VCAN: variants seen among roughly 807,000 people sequenced by gnomAD.
VCAN encodes versican core protein.
VCAN carries 44 observed loss-of-function variants against 245.5 expected under a neutral mutation model. The observed-to-expected ratio is 0.18, with a 90% CI of 0.14 to 0.23. The LOEUF is 0.23. VCAN is among the 10% of genes least tolerant of loss of function. VCAN has a pLI of 1.00. For synonymous variants in VCAN, 1,413 were observed against 1,437.0 expected (o/e 0.98, Z 0.38); for missense variants, 3,793 against 4,057.9 (o/e 0.93, Z 1.77).
At chr5:83,500,149 C>T (rs573196383) in intron 5 of VCAN, among the ~76,000 whole-genome samples, 20 of 152,190 alleles carry the variant, frequency 1.3e-4, no homozygotes, top group African/African-American at 4.3e-4. Flanking sequence ...TGCGTCCTTA[C>T]TGGGCTTATT....
At chr5:83,569,452 T>A (rs1480149251) in intron 12 of VCAN, among the ~76,000 whole-genome samples, 1 of 152,196 alleles carries the variant, frequency 6.6e-6, no homozygotes, top group Non-Finnish European at 1.5e-5. Flanking sequence ...CAAACATAGT[T>A]TCTGGCACTG....
At chr5:83,561,577 A>G (rs981553105) in intron 12 of VCAN, among the ~76,000 whole-genome samples, 17 of 152,254 alleles carry the variant, frequency 1.1e-4, no homozygotes, top group African/African-American at 3.8e-4. Context: ...ATTCGAGTTG[A>G]TGCACAAGAA....
chr5:83,529,997 G>GTACTTTAGTGTCTGCT (rs1260202142), intron 7 of VCAN, among the ~76,000 whole-genome samples: 5 of 152,060 alleles, frequency 3.3e-5, no homozygotes, highest in Non-Finnish European at 5.9e-5. Context: ...AAGTATAATT[G>GTACTTTAGTGTCTGCT]TACTTTAGTG....
At chr5:83,579,237 G>T (rs938280953) in intron 13 of VCAN, among the ~76,000 whole-genome samples, 2 of 117,496 alleles carry the variant, frequency 1.7e-5, no homozygotes, top group Non-Finnish European at 3.6e-5. Flanking sequence ...AAGGTTTTTT[G>T]TTTGTTTGTT....
intron 10 of VCAN, among the ~76,000 whole-genome samples, chr5:83,551,210 T>C (rs1747453203): frequency 6.6e-6 from 1 of 152,010 alleles, no homozygotes; most frequent in Admixed American, 6.6e-5. Context: ...AATGATAAAC[T>C]ATTTAGAAGA....
chr5:83,484,355 A>G (rs1270152160), intron 2 of VCAN, among the ~76,000 whole-genome samples: 2 of 151,884 alleles, frequency 1.3e-5, no homozygotes, highest in African/African-American at 4.8e-5. Flanking sequence ...CCATACCTCC[A>G]GCCATCCATT....
rs373069395 is a variant in VCAN at position 83,580,412 on chromosome 5, G to A, written c.10169G>A (p.Arg3390Lys). 2 of 1,613,872 alleles carry A rather than the reference G, an allele frequency of 1.2e-6. No individual in the cohort carries two copies. The highest frequency in any genetic ancestry group is 1.7e-6 in the Non-Finnish European group (2 of 1,179,918). Residue 3390 changes from arginine (R) to lysine (K), a missense_variant, in exon 15 of 15, where the codon AGG (arginine) becomes AAG (lysine). By Grantham distance (26) the Arg-to-Lys change is conservative. Coordinates refer to ENST00000265077, the MANE Select transcript of VCAN (RefSeq NM_004385.5). ...AAACATGATCATCGTTGGAGCCGGA[G>A]GTGGCAGGAGTCGAGGCGCTGATCC... ...TSKHDHRWSR[R>K]WQESRR
rs568897801 is a variant in VCAN at position 83,523,138 on chromosome 5, A to G, written c.4003+829A>G. On this transcript the variant is annotated intron_variant, in intron 7 of 14. Coordinates refer to ENST00000265077, the MANE Select transcript of VCAN (RefSeq NM_004385.5). ...CAGAACTCTTAAAAGCTGTTTGTTT[A>G]CATTGATTAATACTTGGAGTTGTCA... is the stretch of plus-strand genomic sequence containing the variant. 3.9e-5 allele frequency among the ~76,000 whole-genome samples: 6 copies of G among 152,316 alleles called. No individual in the cohort carries two copies. The East Asian group carries it at 1.2e-3, about 29-fold the overall frequency.
chr5:83,500,703 G>A (rs912196269), intron 5 of VCAN, among the ~76,000 whole-genome samples: 1 of 152,174 alleles, frequency 6.6e-6, no homozygotes, highest in Non-Finnish European at 1.5e-5. Context: ...CCCCAGTAGA[G>A]CAGCAGGCAG....
intron 7 of VCAN, chr5:83,535,653 C>A (rs1746677348): frequency 6.6e-6 from 1 of 152,038 alleles, no homozygotes; most frequent in African/African-American, 2.4e-5. Flanking sequence ...TTCTTCTATA[C>A]ATAGAAGGAA....
chr5:83,556,984 G>A (rs994900106), intron 12 of VCAN, among the ~76,000 whole-genome samples: 4 of 152,054 alleles, frequency 2.6e-5, no homozygotes, highest in Non-Finnish European at 5.9e-5. Context: ...AGTGAAAAGT[G>A]CAGGGTTTTG....
At chr5:83,495,334 C>T (rs762162097) in intron 5 of VCAN, among the ~76,000 whole-genome samples, 44 of 152,086 alleles carry the variant, frequency 2.9e-4, no homozygotes, top group Non-Finnish European at 5.3e-4. Context: ...ATCGGAAGGC[C>T]TGCTTTCAAA....
chr5:83,495,356 G>GGT, intron 5 of VCAN, among the ~76,000 whole-genome samples: 1 of 152,300 alleles, frequency 6.6e-6, no homozygotes, highest in African/African-American at 2.4e-5. Flanking sequence ...AGGGTGCTTA[G>GGT]GTGTGGTTCT....
intron 2 of VCAN, among the ~76,000 whole-genome samples, chr5:83,489,424 G>A (rs1744895142): frequency 6.6e-6 from 1 of 152,142 alleles, no homozygotes; most frequent in South Asian, 2.1e-4. Context: ...AATATTTTAG[G>A]ACGGTTAGGT....
Position 83,520,835 on chromosome 5 carries a change from C to T in VCAN, c.2529C>T (p.Ile843=). Residue 843 remains isoleucine, a synonymous_variant, in exon 7 of 15, where the codon ATC becomes ATT. Coordinates refer to ENST00000265077, the MANE Select transcript of VCAN (RefSeq NM_004385.5). ...TVGMNGKDKD[I]PSFTEDGADE... is the part of the protein sequence containing the mutation. ...GGATGAATGGAAAGGATAAAGACAT[C>T]CCAAGTTTCACTGAAGATGGAGCAG... is the stretch of plus-strand genomic sequence containing the variant. 6.2e-7 allele frequency: 1 copy of T among 1,614,130 alleles called. No individual in the cohort carries two copies.
chr5:83,550,854 T>A (rs1275386766), intron 10 of VCAN, among the ~76,000 whole-genome samples: 1 of 118,582 alleles, frequency 8.4e-6, no homozygotes, highest in African/African-American at 3.3e-5. Context: ...GCCACCGCAC[T>A]CCAGCCTGGG....
chr5:83,530,720 G>C (rs1006971102), intron 7 of VCAN, among the ~76,000 whole-genome samples: 12 of 152,160 alleles, frequency 7.9e-5, no homozygotes, highest in African/African-American at 2.4e-4. Flanking sequence ...ATAGCTCCAA[G>C]AATGGGGCCC....
chr5:83,561,914 G>A (rs1747881840), intron 12 of VCAN: 1 of 152,104 alleles, frequency 6.6e-6, no homozygotes, highest in East Asian at 1.9e-4. Flanking sequence ...ATTAATTCCA[G>A]TGCTTTCTAA....
intron 7 of VCAN, among the ~76,000 whole-genome samples, chr5:83,526,309 C>T (rs911952340): frequency 6.6e-6 from 1 of 152,154 alleles, no homozygotes; most frequent in Non-Finnish European, 1.5e-5. Flanking sequence ...CACACATTTT[C>T]TGTTCTTACA....
Sources: allele counts gnomAD v4.1 joint callset (sites outside exome capture counted in the v4.1 genomes callset), GRCh38; gene constraint gnomAD v4.1.1; transcripts MANE v1.5; gene names NCBI Gene and HGNC (gene_info 2026-07-23, HGNC 2026-07-21).